PTGIS: variants seen among roughly 807,000 people sequenced by gnomAD.
PTGIS encodes the protein prostaglandin I2 synthase, also known as prostacyclin synthase.
In PTGIS, 45 loss-of-function variants were observed where a neutral mutation model predicts 50.3. That is an observed-to-expected ratio of 0.90 (90% CI 0.70 to 1.15). The LOEUF (loss-of-function observed/expected upper bound fraction) is 1.15, where lower values mean the gene tolerates loss of function less well. Ranked by LOEUF, PTGIS falls within the 50% of genes most tolerant of loss-of-function variation. The pLI is 0.00. For synonymous variants in PTGIS, 260 were observed against 267.7 expected, an observed-to-expected ratio of 0.97 and a Z score of 0.28; for missense variants, 668 against 661.3, an observed-to-expected ratio of 1.01 and a Z score of -0.11.
chr20:49,545,429 GA>G (rs1192530647), intron 3 of PTGIS, among the ~76,000 whole-genome samples: 3 of 142,806 alleles, frequency 2.1e-5, no homozygotes, highest in Non-Finnish European at 4.6e-5. Flanking sequence ...CTTAAAAAAA[GA>G]AAAGAAAAAA....
Position 49,560,493 on chromosome 20 carries a change from A to G in PTGIS, c.74+7550T>C, listed in dbSNP as rs111936146. Reference sequence around the variant, plus strand: ...GCTGGGATTACAGGCATGAGCCACTATGCCCAGCCCAAAAGGGTGAACTAA... The same window carrying G: ...GCTGGGATTACAGGCATGAGCCACTGTGCCCAGCCCAAAAGGGTGAACTAA... On this transcript the variant is annotated intron_variant, in intron 1 of 9. Transcript: ENST00000244043. Among the ~76,000 whole-genome samples, 382 of 152,326 alleles carry G rather than the reference A, an allele frequency of 2.5e-3. 1 individual carries two copies. Among genetic ancestry groups the G allele is most frequent in the Non-Finnish European group, 4.6e-3 (313 of 68,030 alleles).
chr20:49,567,825 C>T (rs887506710), intron 1 of PTGIS, among the ~76,000 whole-genome samples: 7 of 152,236 alleles, frequency 4.6e-5, no homozygotes, highest in Admixed American at 3.3e-4. Flanking sequence ...GGACCCCGCA[C>T]CTTCCCACCT....
intron 9 of PTGIS, among the ~76,000 whole-genome samples, chr20:49,510,182 G>C (rs1376458550): frequency 6.6e-6 from 1 of 151,884 alleles, no homozygotes; most frequent in East Asian, 1.9e-4. Flanking sequence ...AATCCCTGCA[G>C]TTTTTGTTGC....
At chr20:49,525,596 TA>T (rs772604371) in intron 5 of PTGIS, among the ~76,000 whole-genome samples, 38 of 151,254 alleles carry the variant, frequency 2.5e-4, no homozygotes, top group African/African-American at 3.9e-4. Flanking sequence ...TTTTTTTTTT[TA>T]AAATATTTTC....
chr20:49,513,394 T>C (rs1169707106), intron 7 of PTGIS, 133 bp from the exon 8 acceptor site: 4 of 1,010,180 alleles, frequency 4.0e-6, no homozygotes, highest in African/African-American at 3.2e-5. Flanking sequence ...CACAGTCACA[T>C]AGCAAGGTGA....
At chr20:49,525,947 G>A (rs920757061) in intron 5 of PTGIS, among the ~76,000 whole-genome samples, 5 of 152,022 alleles carry the variant, frequency 3.3e-5, no homozygotes, top group Non-Finnish European at 4.4e-5. Flanking sequence ...CAAATAATAC[G>A]CTGAATATGT....
At chr20:49,537,337 T>C (rs1386299606) in intron 5 of PTGIS, among the ~76,000 whole-genome samples, 3 of 152,218 alleles carry the variant, frequency 2.0e-5, no homozygotes, top group Non-Finnish European at 4.4e-5. Flanking sequence ...AAGTACGCTC[T>C]GCAGCCACAA....
At chr20:49,559,248 C>T (rs113981445) in intron 1 of PTGIS, among the ~76,000 whole-genome samples, 1 of 152,048 alleles carries the variant, frequency 6.6e-6, no homozygotes, top group Non-Finnish European at 1.5e-5. Flanking sequence ...TTGTCCCCAG[C>T]CCTTGTGGTA....
chr20:49,522,309 C>T (rs767915773), intron 6 of PTGIS, among the ~76,000 whole-genome samples: 5 of 152,032 alleles, frequency 3.3e-5, no homozygotes, highest in Non-Finnish European at 7.4e-5. Context: ...CTCAGGGAGG[C>T]CTCCCTGACC....
At chr20:49,513,049 C>A (rs1223510733) in intron 8 of PTGIS, 31 bp downstream of exon 8, 2 of 1,613,394 alleles carry the variant, frequency 1.2e-6, no homozygotes, top group East Asian at 4.5e-5. Flanking sequence ...CTCCCACAGA[C>A]CCCATATGAC....
chr20:49,543,268 C>T (rs1005313598), intron 4 of PTGIS, among the ~76,000 whole-genome samples: 1 of 152,018 alleles, frequency 6.6e-6, no homozygotes, highest in Admixed American at 6.6e-5. Context: ...CTCACCACCT[C>T]CCTGGGCCAC....
chr20:49,549,962 G>T (rs1982462284), intron 2 of PTGIS, 104 bp downstream of exon 2: 25 of 1,574,336 alleles, frequency 1.6e-5, no homozygotes, highest in Admixed American at 6.7e-5. Context: ...GGATGGTGGG[G>T]TGGGGGGGTT....
rs1981311793 is a variant in PTGIS at position 49,511,187 on chromosome 20, A to G, written c.1207-8T>C. On this transcript the variant is annotated splice_region_variant and splice_polypyrimidine_tract_variant and intron_variant, in intron 8 of 9. Transcript: ENST00000244043. ...TCGGTTGTATTTAAATACCTGAAAT[A>G]GGAAGAAGGTCCTTTTCTGACCCCA... is the stretch of plus-strand genomic sequence containing the variant. 3 of 1,614,092 alleles carry G rather than the reference A, an allele frequency of 1.9e-6. No individual in the cohort carries two copies. Among genetic ancestry groups the G allele is most frequent in the African/African-American group, 1.3e-5 (1 of 75,070 alleles).
chr20:49,517,420 C>T (rs139413090), intron 6 of PTGIS, among the ~76,000 whole-genome samples: 6 of 151,966 alleles, frequency 3.9e-5, no homozygotes, highest in African/African-American at 9.7e-5. Flanking sequence ...TGACCAAGAC[C>T]GCCTTTTACC....
intron 5 of PTGIS, among the ~76,000 whole-genome samples, chr20:49,526,947 T>C (rs1029934564): frequency 6.6e-6 from 1 of 152,184 alleles, no homozygotes; most frequent in Non-Finnish European, 1.5e-5. Context: ...AATTACCATA[T>C]GATCCAGTAA....
At chr20:49,529,428 A>G (rs1366096314) in intron 5 of PTGIS, among the ~76,000 whole-genome samples, 1 of 152,154 alleles carries the variant, frequency 6.6e-6, no homozygotes. Flanking sequence ...ATTGTTACAA[A>G]TGGCAGGATT....
intron 5 of PTGIS, among the ~76,000 whole-genome samples, chr20:49,536,434 CAG>C (rs1646477271): frequency 1.3e-5 from 2 of 151,266 alleles, no homozygotes; most frequent in African/African-American, 4.9e-5. Flanking sequence ...GCTCAGCAAA[CAG>C]TGCTTTTTCT....
intron 5 of PTGIS, among the ~76,000 whole-genome samples, chr20:49,526,969 G>A (rs1217870092): frequency 1.3e-5 from 2 of 152,148 alleles, no homozygotes; most frequent in Non-Finnish European, 2.9e-5. Flanking sequence ...TCTAGTTCTA[G>A]GTATATAGCC....
At position 49,544,313 on chromosome 20, in the gene PTGIS, G is replaced by A; in HGVS notation, c.513C>T (p.Phe171=). ...EMGLLDFSYS[F]LLRAGYLTLY... is the part of the protein sequence containing the mutation. The stretch of plus-strand genomic sequence containing the variant: ...GGGCTGCACAGCCTCACCTGAGCAG[G>A]AAGCTGTAGGAGAAGTCGAGGAGAC... Residue 171 remains phenylalanine, a synonymous_variant, in exon 4 of 10, where the codon TTC becomes TTT. Coordinates refer to ENST00000244043, the MANE Select transcript of PTGIS (RefSeq NM_000961.4). 5.6e-6 allele frequency: 9 copies of A among 1,614,136 alleles called. No individual in the cohort carries two copies. Among genetic ancestry groups the A allele is most frequent in the Non-Finnish European group, 6.8e-6 (8 of 1,180,034 alleles).
Sources: allele counts gnomAD v4.1 joint callset (sites outside exome capture counted in the v4.1 genomes callset), GRCh38; gene constraint gnomAD v4.1.1; transcripts MANE v1.5; gene names NCBI Gene and HGNC (gene_info 2026-07-23, HGNC 2026-07-21).